MAGI1: variants seen among roughly 807,000 people sequenced by gnomAD.
MAGI1 encodes the protein membrane-associated guanylate kinase, WW and PDZ domain-containing protein 1.
A neutral mutation model predicts 139.9 loss-of-function variants in MAGI1; 58 were observed. The ratio of observed to expected loss-of-function variants is 0.41; its 90% CI spans 0.34 to 0.52. The LOEUF (loss-of-function observed/expected upper bound fraction) is 0.52. MAGI1 is among the 20% of genes least tolerant of loss of function. The pLI is 0.12. For missense variants in MAGI1, 1,874 were observed against 1,901.6 expected (o/e 0.99, Z 0.27); for synonymous variants, 812 against 737.9 (o/e 1.10, Z -1.63).
At chr3:65,770,934 A>C (rs982234305) in intron 1 of MAGI1, among the ~76,000 whole-genome samples, 1 of 151,732 alleles carries the variant, frequency 6.6e-6, no homozygotes, top group Non-Finnish European at 1.5e-5. Flanking sequence ...CTCGTGATCC[A>C]CCCACCTCGG....
chr3:65,401,372 T>TTC, intron 13 of MAGI1, 67 bp downstream of exon 13: 9 of 778,284 alleles, frequency 1.2e-5, no homozygotes, highest in South Asian at 2.9e-5. Context: ...CAGAGTACCC[T>TTC]CCCACCTCCA....
intron 1 of MAGI1, among the ~76,000 whole-genome samples, chr3:65,940,154 T>G (rs770559142): frequency 1.1e-4 from 17 of 151,746 alleles, no homozygotes; most frequent in Non-Finnish European, 2.1e-4. Context: ...CCCAGGGGAG[T>G]GTTCTCCAAA....
intron 1 of MAGI1, among the ~76,000 whole-genome samples, chr3:65,941,596 A>G (rs1187230077): frequency 6.6e-6 from 1 of 152,000 alleles, no homozygotes; most frequent in Non-Finnish European, 1.5e-5. Flanking sequence ...CCCTATGGGG[A>G]CAACATCCCC....
intron 4 of MAGI1, among the ~76,000 whole-genome samples, chr3:65,473,224 T>C (rs1377128827): frequency 6.6e-6 from 1 of 152,130 alleles, no homozygotes; most frequent in African/African-American, 2.4e-5. Context: ...TGCAAATACA[T>C]TACAAATAGG....
chr3:65,836,963 G>T (rs1362607924), intron 1 of MAGI1, among the ~76,000 whole-genome samples: 1 of 152,040 alleles, frequency 6.6e-6, no homozygotes, highest in African/African-American at 2.4e-5. Flanking sequence ...TAAATGGGAG[G>T]TGTTATAATA....
intron 2 of MAGI1, among the ~76,000 whole-genome samples, chr3:65,554,227 T>G (rs1047682520): frequency 6.6e-6 from 1 of 152,218 alleles, no homozygotes; most frequent in African/African-American, 2.4e-5. Flanking sequence ...TTTGGCACTA[T>G]GTGATATAGA....
intron 1 of MAGI1, among the ~76,000 whole-genome samples, chr3:65,891,338 G>A (rs934335182): frequency 6.6e-6 from 1 of 151,990 alleles, no homozygotes; most frequent in African/African-American, 2.4e-5. Context: ...ATGGTAAGAA[G>A]TCATTTACTG....
intron 9 of MAGI1, among the ~76,000 whole-genome samples, 155 bp downstream of exon 9, chr3:65,439,724 G>A (rs1417642113): frequency 1.3e-5 from 2 of 152,124 alleles, no homozygotes; most frequent in Non-Finnish European, 2.9e-5. Flanking sequence ...AACATGGAGA[G>A]GGGGTTCTCT....
At chr3:65,771,028 G>A (rs2037909177) in intron 1 of MAGI1, among the ~76,000 whole-genome samples, 1 of 151,916 alleles carries the variant, frequency 6.6e-6, no homozygotes, top group Admixed American at 6.6e-5. Context: ...TGGGCAGGGT[G>A]TGGTATTACA....
intron 10 of MAGI1, 66 bp from the exon 11 acceptor site, chr3:65,430,947 T>C (rs766985385): frequency 3.5e-6 from 5 of 1,446,832 alleles, no homozygotes; most frequent in Non-Finnish European, 4.8e-6. Flanking sequence ...AAACAAGATT[T>C]GAGACAACAT....
intron 1 of MAGI1, among the ~76,000 whole-genome samples, chr3:65,881,783 T>C (rs2060339717): frequency 6.6e-6 from 1 of 152,206 alleles, no homozygotes; most frequent in South Asian, 2.1e-4. Context: ...CTAGTGTTCA[T>C]CCAAGCACTT....
chr3:65,684,881 T>TG (rs2087893332), intron 1 of MAGI1, among the ~76,000 whole-genome samples: 1 of 143,002 alleles, frequency 7.0e-6, no homozygotes, highest in Non-Finnish European at 1.5e-5. Flanking sequence ...TTTTTTTTTT[T>TG]TTTTTTTTTT....
intron 21 of MAGI1, among the ~76,000 whole-genome samples, chr3:65,362,926 C>A (rs1371865101): frequency 6.6e-6 from 1 of 152,212 alleles, no homozygotes; most frequent in African/African-American, 2.4e-5. Context: ...TATTAAAAAT[C>A]TGTAGCTCTT....
At chr3:65,530,698 T>C (rs1265081610) in intron 2 of MAGI1, among the ~76,000 whole-genome samples, 1 of 135,302 alleles carries the variant, frequency 7.4e-6, no homozygotes, top group Non-Finnish European at 1.6e-5. Flanking sequence ...TGTATATATA[T>C]ACACATATAC....
intron 1 of MAGI1, among the ~76,000 whole-genome samples, chr3:65,957,198 T>C (rs968789196): frequency 6.6e-6 from 1 of 151,810 alleles, no homozygotes; most frequent in Non-Finnish European, 1.5e-5. Flanking sequence ...AATGTAGATA[T>C]ATGCATGCTA....
At chr3:65,887,022 C>T (rs1424130199) in intron 1 of MAGI1, among the ~76,000 whole-genome samples, 1 of 152,096 alleles carries the variant, frequency 6.6e-6, no homozygotes, top group African/African-American at 2.4e-5. Flanking sequence ...TCTGTGCAAA[C>T]TCATAAAATA....
intron 1 of MAGI1, among the ~76,000 whole-genome samples, chr3:65,878,045 A>C (rs1320682728): frequency 1.3e-5 from 2 of 152,102 alleles, no homozygotes; most frequent in Non-Finnish European, 2.9e-5. Flanking sequence ...GAGGAGTTGG[A>C]AACTGCAGTA....
chr3:65,391,418 G>A (rs1213024985), intron 13 of MAGI1, 60 bp from the exon 14 acceptor site: 5 of 1,423,704 alleles, frequency 3.5e-6, no homozygotes, highest in East Asian at 2.3e-5. Context: ...CTCTGAATGG[G>A]TGCTTTCCAC....
chr3:65,640,047 C>T (rs1042862907), intron 1 of MAGI1, among the ~76,000 whole-genome samples: 2 of 151,918 alleles, frequency 1.3e-5, no homozygotes, highest in Non-Finnish European at 2.9e-5. Context: ...TCAGTTTTTC[C>T]TGTGTTCAGA....
Sources: allele counts gnomAD v4.1 joint callset (sites outside exome capture counted in the v4.1 genomes callset), GRCh38; gene constraint gnomAD v4.1.1; transcripts MANE v1.5; gene names NCBI Gene and HGNC (gene_info 2026-07-23, HGNC 2026-07-21).